PIWIL1: variants seen among roughly 807,000 people sequenced by gnomAD.
PIWIL1 encodes the protein piwi-like protein 1.
In PIWIL1, 73 loss-of-function variants were observed where a neutral mutation model predicts 114.4. The observed-to-expected ratio is 0.64, with a 90% CI of 0.53 to 0.78. The LOEUF (loss-of-function observed/expected upper bound fraction) is 0.78. Ranked by LOEUF, PIWIL1 falls within the 30% of genes least tolerant of loss-of-function variation. The pLI is 0.00. For missense variants in PIWIL1, 723 were observed against 1,063.1 expected (o/e 0.68, Z 4.45); for synonymous variants, 375 against 369.0 (o/e 1.02, Z -0.19).
downstream of PIWIL1, among the ~76,000 whole-genome samples, chr12:130,376,947 C>T (rs1027046112): frequency 6.6e-6 from 1 of 152,226 alleles, no homozygotes; most frequent in Non-Finnish European, 1.5e-5. Flanking sequence ...CTGGTTTCCT[C>T]TGCCTGCTGT....
chr12:130,383,792 A>G, the PIWIL1 span: 3 of 152,376 alleles, frequency 2.0e-5, no homozygotes, highest in East Asian at 5.8e-4. Context: ...TGCTTATTAC[A>G]GAAGTTATGT....
chr12:130,378,601 T>A, the PIWIL1 span, among the ~76,000 whole-genome samples: 1 of 152,182 alleles, frequency 6.6e-6, no homozygotes, highest in African/African-American at 2.4e-5. Context: ...TGCGTGAGAT[T>A]TCATTGCTCC....
At chr12:130,402,090 A>G in the PIWIL1 span, among the ~76,000 whole-genome samples, 1 of 152,224 alleles carries the variant, frequency 6.6e-6, no homozygotes, top group African/African-American at 2.4e-5. Context: ...AATCCACGTC[A>G]GAACGCACAT....
At chr12:130,397,777 C>T in the PIWIL1 span, 11 of 344,016 alleles carry the variant, frequency 3.2e-5, no homozygotes, top group African/African-American at 6.3e-5. Context: ...CGAGGGAGTG[C>T]GGGGTGGCCG....
chr12:130,342,723 C>A, intron 2 of PIWIL1, 54 bp downstream of exon 2: 1 of 1,374,796 alleles, frequency 7.3e-7, no homozygotes, highest in Non-Finnish European at 1.0e-6. Context: ...CTTGATCAGC[C>A]TAGGCTGTTG....
chr12:130,364,355 C>T (rs920040295), intron 18 of PIWIL1, among the ~76,000 whole-genome samples: 7 of 152,218 alleles, frequency 4.6e-5, no homozygotes, highest in Admixed American at 3.3e-4. Flanking sequence ...TTATCTGGTG[C>T]GTAGGAAAAG....
intron 7 of PIWIL1, 92 bp downstream of exon 7, chr12:130,348,275 G>A: frequency 2.9e-6 from 2 of 688,522 alleles, no homozygotes; most frequent in South Asian, 3.8e-5. Flanking sequence ...ATTTACTACA[G>A]TGACTGTTAA....
chr12:130,376,431 G>A (rs2073866852), downstream of PIWIL1, among the ~76,000 whole-genome samples: 1 of 152,226 alleles, frequency 6.6e-6, no homozygotes, highest in Admixed American at 6.5e-5. Flanking sequence ...GTATCATACA[G>A]ATAATTTTGA....
chr12:130,423,317 G>A, the PIWIL1 span, among the ~76,000 whole-genome samples: 2 of 152,214 alleles, frequency 1.3e-5, no homozygotes, highest in Non-Finnish European at 2.9e-5. Flanking sequence ...AGGGGAGGCT[G>A]CGGGCTGCCG....
At chr12:130,406,151 C>T in the PIWIL1 span, 7 of 1,358,958 alleles carry the variant, frequency 5.2e-6, no homozygotes, top group South Asian at 7.2e-5. Flanking sequence ...AATGGTACTT[C>T]TTGATATTTC....
the PIWIL1 span, among the ~76,000 whole-genome samples, chr12:130,421,691 ATGTGTGTGTGTGTGTGTG>A: frequency 6.8e-6 from 1 of 147,188 alleles, no homozygotes; most frequent in Non-Finnish European, 1.5e-5. Flanking sequence ...CTGCATTTAT[ATGTGTGTGTGTGTGTGTG>A]TGTGTGTGTG....
intron 19 of PIWIL1, among the ~76,000 whole-genome samples, chr12:130,370,803 C>A (rs1284304563): frequency 6.6e-6 from 1 of 152,146 alleles, no homozygotes; most frequent in East Asian, 1.9e-4. Context: ...TCGCTGCCCC[C>A]ACAGGTCGTG....
At chr12:130,370,854 G>A (rs189822892) in intron 19 of PIWIL1, among the ~76,000 whole-genome samples, 4 of 152,296 alleles carry the variant, frequency 2.6e-5, no homozygotes, top group Non-Finnish European at 4.4e-5. Context: ...TTCGGGGGTC[G>A]GGGTGGAAAA....
the PIWIL1 span, among the ~76,000 whole-genome samples, chr12:130,420,658 CA>C: frequency 1.3e-5 from 2 of 152,096 alleles, no homozygotes; most frequent in Non-Finnish European, 2.9e-5. This position sits in a 1 kb window ranked among gnomAD's most constrained non-coding sequence, Gnocchi z 4.3. Flanking sequence ...AGGAAAATAG[CA>C]AACCAAAGCG....
At chr12:130,425,321 G>A in the PIWIL1 span, 298 of 155,618 alleles carry the variant, frequency 1.9e-3, 1 homozygote, top group Middle Eastern at 3.3e-3. Context: ...AGCCTGACCC[G>A]TCCCTGTCCA....
intron 18 of PIWIL1, among the ~76,000 whole-genome samples, chr12:130,364,871 T>C (rs1243818158): frequency 1.3e-5 from 2 of 152,184 alleles, no homozygotes; most frequent in Non-Finnish European, 2.9e-5. Flanking sequence ...TGAAGGAAAT[T>C]GTCAAGAAAT....
At chr12:130,410,878 T>C in the PIWIL1 span, among the ~76,000 whole-genome samples, 1 of 152,214 alleles carries the variant, frequency 6.6e-6, no homozygotes, top group African/African-American at 2.4e-5. Context: ...TAGAATTAGC[T>C]TGTTGATTCT....
the PIWIL1 span, among the ~76,000 whole-genome samples, chr12:130,423,316 T>G: frequency 6.6e-6 from 1 of 152,172 alleles, no homozygotes; most frequent in African/African-American, 2.4e-5. Flanking sequence ...CAGGGGAGGC[T>G]GCGGGCTGCC....
intron 12 of PIWIL1, 34 bp downstream of exon 12, chr12:130,355,701 T>C: frequency 7.0e-7 from 1 of 1,435,590 alleles, no homozygotes; most frequent in Middle Eastern, 1.8e-4. Context: ...TGTTGTTGTT[T>C]TTGAGACGGA....
Sources: allele counts gnomAD v4.1 joint callset (sites outside exome capture counted in the v4.1 genomes callset), GRCh38; gene constraint gnomAD v4.1.1; non-coding constraint Gnocchi (gnomAD v3.1); transcripts MANE v1.5; gene names NCBI Gene and HGNC (gene_info 2026-07-23, HGNC 2026-07-21).